The following GRM7 variants were observed in gnomAD, a reference collection of about 807,000 sequenced individuals.
The protein encoded by GRM7 is metabotropic glutamate receptor 7.
GRM7 carries 35 observed loss-of-function variants against 84.5 expected under a neutral mutation model. That is an observed-to-expected ratio of 0.41 (90% CI 0.32 to 0.55). The LOEUF (loss-of-function observed/expected upper bound fraction) is 0.55, where lower values mean the gene tolerates loss of function less well. Among genes scored for constraint, GRM7 ranks in the 20% least tolerant of loss-of-function variants. GRM7 has a pLI of 0.19. For synonymous variants in GRM7, 487 were observed against 455.1 expected (o/e 1.07, Z -0.89); for missense variants, 1,003 against 1,194.6 (o/e 0.84, Z 2.36).
chr3:6,881,015 G>T (rs1007911778), intron 1 of GRM7, among the ~76,000 whole-genome samples: 4 of 152,148 alleles, frequency 2.6e-5, no homozygotes, highest in Non-Finnish European at 5.9e-5. Flanking sequence ...TCTGCTCAGT[G>T]ATTCAAGAGC....
intron 5 of GRM7, among the ~76,000 whole-genome samples, chr3:7,439,359 G>A (rs964501127): frequency 6.6e-6 from 1 of 152,180 alleles, no homozygotes; most frequent in East Asian, 1.9e-4. Flanking sequence ...CTCCTGTAAC[G>A]TAGCCCATGG....
intron 1 of GRM7, among the ~76,000 whole-genome samples, chr3:6,934,119 G>C (rs1215381063): frequency 6.6e-6 from 1 of 152,048 alleles, no homozygotes; most frequent in Non-Finnish European, 1.5e-5. Flanking sequence ...AATAAAACCA[G>C]GGTAGAATTG....
chr3:7,103,306 G>A (rs1699174416), intron 1 of GRM7, among the ~76,000 whole-genome samples: 1 of 151,694 alleles, frequency 6.6e-6, no homozygotes, highest in African/African-American at 2.4e-5. Context: ...TGTTTCTGAA[G>A]TCTGGTCCAA....
intron 1 of GRM7, among the ~76,000 whole-genome samples, chr3:6,890,670 A>C (rs1250939014): frequency 1.3e-5 from 2 of 151,962 alleles, no homozygotes; most frequent in Non-Finnish European, 2.9e-5. Context: ...TCAATTTTGG[A>C]ATAGGTGTGG....
At chr3:7,243,235 A>G (rs1234275285) in intron 2 of GRM7, among the ~76,000 whole-genome samples, 2 of 152,076 alleles carry the variant, frequency 1.3e-5, no homozygotes, top group Non-Finnish European at 2.9e-5. Flanking sequence ...CCTAAATTCA[A>G]CTGGTAGCAG....
chr3:7,056,105 A>AG (rs1425323600), intron 1 of GRM7, among the ~76,000 whole-genome samples: 2 of 152,024 alleles, frequency 1.3e-5, no homozygotes, highest in Admixed American at 6.6e-5. Context: ...GGAGAAAAAA[A>AG]CACAGCAAGT....
intron 1 of GRM7, among the ~76,000 whole-genome samples, chr3:6,951,331 A>G (rs889932090): frequency 1.3e-5 from 2 of 152,006 alleles, no homozygotes; most frequent in Non-Finnish European, 2.9e-5. Context: ...TACTTTGGGT[A>G]TAGTTTTCTC....
intron 6 of GRM7, among the ~76,000 whole-genome samples, chr3:7,454,101 C>CTCTCTCTCTCTCTCTG (rs1559334174): frequency 6.6e-6 from 1 of 151,052 alleles, no homozygotes; most frequent in East Asian, 1.9e-4. Flanking sequence ...CTCTCTCTCT[C>CTCTCTCTCTCTCTCTG]TCTCTCTCTC....
chr3:7,100,972 A>G (rs1284606040), intron 1 of GRM7, among the ~76,000 whole-genome samples: 2 of 118,848 alleles, frequency 1.7e-5, no homozygotes, highest in African/African-American at 3.8e-5. Flanking sequence ...CCTTATTAAT[A>G]TACTAAAGAT....
chr3:7,211,068 T>G (rs115977440), intron 2 of GRM7, among the ~76,000 whole-genome samples: 2,531 of 152,316 alleles, frequency 0.017, 70 homozygotes, highest in African/African-American at 0.057. Flanking sequence ...TTTTATTATT[T>G]TGTTTATTAC....
At chr3:7,715,604 C>T (rs1366594696) in intron 9 of GRM7, among the ~76,000 whole-genome samples, 1 of 152,138 alleles carries the variant, frequency 6.6e-6, no homozygotes, top group Admixed American at 6.5e-5. Context: ...CTCAGAACCA[C>T]TAAGTAGGTT....
chr3:7,077,337 T>C (rs2124992181), intron 1 of GRM7, among the ~76,000 whole-genome samples: 2 of 152,234 alleles, frequency 1.3e-5, no homozygotes, highest in East Asian at 3.9e-4. Context: ...TGCTCATCAA[T>C]GATAGACTGG....
intron 1 of GRM7, among the ~76,000 whole-genome samples, chr3:6,883,732 G>C (rs1695592616): frequency 6.6e-6 from 1 of 152,200 alleles, no homozygotes; most frequent in South Asian, 2.1e-4. Flanking sequence ...CAAGAAGTGA[G>C]TGGTTATGGG....
intron 1 of GRM7, among the ~76,000 whole-genome samples, chr3:6,909,734 C>G (rs879508936): frequency 6.6e-6 from 1 of 151,998 alleles, no homozygotes; most frequent in Non-Finnish European, 1.5e-5. Flanking sequence ...GGTCTAGACT[C>G]GATATCAGGA....
At chr3:7,602,942 G>A (rs566169602) in intron 8 of GRM7, among the ~76,000 whole-genome samples, 2 of 152,234 alleles carry the variant, frequency 1.3e-5, no homozygotes, top group Admixed American at 1.3e-4. Flanking sequence ...GCTTTTAAAA[G>A]TTGTAGGTTA....
chr3:7,306,554 G>C lies in GRM7; in HGVS notation c.935G>C (p.Gly312Ala). The change falls in exon 4 of 10, where the codon GGA becomes GCA. Residue 312 changes from glycine (G) to alanine (A), a missense_variant. By Grantham distance (60) the Gly-to-Ala change is moderately conservative. Around this residue, in one of 2 missense-constraint regions of GRM7, gnomAD observed 910 missense variants for 1,126.0 expected, o/e 0.81. Coordinates refer to ENST00000357716, the MANE Select transcript of GRM7 (RefSeq NM_000844.4). ...CAAGTTGGCCATTTTCTTTGGGTGGGATCAGACAGCTGGGGATCCAAAATA... is the reference window on the plus strand; with the variant it reads ...CAAGTTGGCCATTTTCTTTGGGTGGCATCAGACAGCTGGGGATCCAAAATA... ...ADQVGHFLWV[G>A]SDSWGSKINP... 3 of 1,613,808 alleles carry C rather than the reference G, an allele frequency of 1.9e-6. No homozygotes were observed. Among genetic ancestry groups the C allele is most frequent in the Non-Finnish European group, 2.5e-6 (3 of 1,179,804 alleles).
intron 8 of GRM7, among the ~76,000 whole-genome samples, chr3:7,626,369 G>A (rs1053929810): frequency 1.3e-5 from 2 of 152,208 alleles, no homozygotes; most frequent in Admixed American, 6.5e-5. Flanking sequence ...TTCTCTGTAG[G>A]CTCTGAAATC....
intron 5 of GRM7, among the ~76,000 whole-genome samples, chr3:7,431,243 A>G (rs960458989): frequency 6.6e-6 from 1 of 152,166 alleles, no homozygotes. Flanking sequence ...AAAAGAATGG[A>G]TTGTTGATAT....
chr3:7,201,066 T>C (rs1230541788), intron 2 of GRM7, among the ~76,000 whole-genome samples: 1 of 145,168 alleles, frequency 6.9e-6, no homozygotes, highest in Non-Finnish European at 1.5e-5. Context: ...GCCTCCTGGG[T>C]TCATGCCATT....
Sources: allele counts gnomAD v4.1 joint callset (sites outside exome capture counted in the v4.1 genomes callset), GRCh38; gene constraint gnomAD v4.1.1; regional missense constraint gnomAD v4.1.1; transcripts MANE v1.5; gene names NCBI Gene and HGNC (gene_info 2026-07-23, HGNC 2026-07-21).